The following CFAP97D2 variants were observed in gnomAD, a reference collection of about 807,000 sequenced individuals.
CFAP97D2 encodes uncharacterized protein CFAP97D2.
In CFAP97D2 at chr13:114,211,158, C is replaced by T. The variant is rs1403718446; in HGVS notation, c.291-754C>T. Among the ~76,000 whole-genome samples the T allele has an allele frequency of 2.0e-5, 3 of 152,176 alleles. No homozygotes were observed. Among genetic ancestry groups the T allele is most frequent in the Non-Finnish European group, 4.4e-5 (3 of 68,038 alleles). Reference sequence around the variant, plus strand: ...CCTGGTGGGTTCTTTACTTCGTGCTCCTCTGTGCTCCACAGCCAGGGTCAA... The same window carrying T: ...CCTGGTGGGTTCTTTACTTCGTGCTTCTCTGTGCTCCACAGCCAGGGTCAA... On this transcript the variant is annotated intron_variant, in intron 3 of 4. Coordinates refer to ENST00000646158, the Ensembl canonical transcript of CFAP97D2. The surrounding 1 kb of genome is among the most constrained non-coding windows in gnomAD (Gnocchi z 4.2).
chr13:114,180,652 A>G (rs1021109301), intron 1 of CFAP97D2, among the ~76,000 whole-genome samples: 9 of 152,218 alleles, frequency 5.9e-5, no homozygotes, highest in South Asian at 4.1e-4. Flanking sequence ...CTCTGCACGT[A>G]GAGTGTGGAG....
intron 4 of CFAP97D2, among the ~76,000 whole-genome samples, chr13:114,218,605 C>G (rs541819580): frequency 1.6e-4 from 25 of 152,320 alleles, no homozygotes; most frequent in African/African-American, 5.8e-4. Context: ...CTGGAGGCAT[C>G]ATGTTACCTG....
intron 4 of CFAP97D2, chr13:114,212,300 C>T: frequency 2.6e-6 from 1 of 386,954 alleles, no homozygotes; most frequent in Non-Finnish European, 4.6e-6. Flanking sequence ...ATGACCTCAC[C>T]CACCACGCAT....
chr13:114,207,170 C>T lies in CFAP97D2; in HGVS notation c.291-4742C>T, dbSNP rs1261518718. ...AGCCCCATCTGCTCCCCTGCCGCTGCAAGGGCAGCACCATGCAGGGCACAC... is the reference window on the plus strand; with the variant it reads ...AGCCCCATCTGCTCCCCTGCCGCTGTAAGGGCAGCACCATGCAGGGCACAC... On this transcript the variant is annotated intron_variant, in intron 3 of 4. Coordinates refer to ENST00000646158, the Ensembl canonical transcript of CFAP97D2. This position sits in a 1 kb window ranked among gnomAD's most constrained non-coding sequence, Gnocchi z 4.9. 1.3e-5 allele frequency among the ~76,000 whole-genome samples: 2 copies of T among 152,200 alleles called. No individual in the cohort carries two copies. Among genetic ancestry groups the T allele is most frequent in the Admixed American group, 1.3e-4 (2 of 15,286 alleles).
intron 1 of CFAP97D2, among the ~76,000 whole-genome samples, chr13:114,182,538 G>A (rs112745566): frequency 0.032 from 4,709 of 146,716 alleles, 152 homozygotes; most frequent in South Asian, 0.13. Flanking sequence ...CCACGAGGCC[G>A]TATTTCAGAC....
chr13:114,198,655 T>G (rs72488210), intron 2 of CFAP97D2, among the ~76,000 whole-genome samples: 26,016 of 75,740 alleles, frequency 0.34, 5,607 homozygotes, highest in East Asian at 0.48. Context: ...GTCCCCGTGT[T>G]TACGGTCCCC....
At chr13:114,219,397 T>G (rs1165652260) in intron 4 of CFAP97D2, among the ~76,000 whole-genome samples, 1 of 152,228 alleles carries the variant, frequency 6.6e-6, no homozygotes, top group Non-Finnish European at 1.5e-5. Context: ...TATTGAGTTT[T>G]TCCTCAGCAA....
chr13:114,195,426 C>T (rs2080882638), intron 1 of CFAP97D2, among the ~76,000 whole-genome samples: 1 of 152,176 alleles, frequency 6.6e-6, no homozygotes, highest in African/African-American at 2.4e-5. Flanking sequence ...TGGGTTCAGT[C>T]CCCAGCCTGG....
At chr13:114,222,546 A>G, downstream of CFAP97D2, 1 of 396,342 alleles carries the variant, frequency 2.5e-6, no homozygotes, top group Non-Finnish European at 4.4e-6. The surrounding 1 kb of genome is among the most constrained non-coding windows in gnomAD (Gnocchi z 4.4). Context: ...CTGGACCCTA[A>G]AAGAGAAGTG....
rs1459052974 is a variant in CFAP97D2, at chr13:114,203,685, C to T, written c.290+3242C>T. Among the ~76,000 whole-genome samples the T allele has an allele frequency of 6.6e-6, 1 of 152,194 alleles. No individual in the cohort carries two copies. Among genetic ancestry groups the T allele is most frequent in the Admixed American group, 6.5e-5 (1 of 15,274 alleles). Reference sequence around the variant, plus strand: ...CAGGCTCCCACCTCACAAATGGAATCCCAGGCCACCACACAGGAACTGAAG... The same window carrying T: ...CAGGCTCCCACCTCACAAATGGAATTCCAGGCCACCACACAGGAACTGAAG... On this transcript the variant is annotated intron_variant, in intron 3 of 4. Transcript: ENST00000646158. This position sits in a 1 kb window ranked among gnomAD's most constrained non-coding sequence, Gnocchi z 4.3.
rs920570584 is a variant in CFAP97D2, at chr13:114,211,487, G to A, written c.291-425G>A. On this transcript the variant is annotated intron_variant, in intron 3 of 4. Coordinates refer to ENST00000646158, the Ensembl canonical transcript of CFAP97D2. The surrounding 1 kb of genome is among the most constrained non-coding windows in gnomAD (Gnocchi z 4.2). Reference sequence around the variant, plus strand: ...CAACCTCCCTCACCTCTCTCCCATGGGCGCCTGGGTGCTTGCCCTCCCCGC... The same window carrying A: ...CAACCTCCCTCACCTCTCTCCCATGAGCGCCTGGGTGCTTGCCCTCCCCGC... Among the ~76,000 whole-genome samples, 1 of 152,078 alleles carries A rather than the reference G, an allele frequency of 6.6e-6. No individual in the cohort carries two copies. Among genetic ancestry groups the A allele is most frequent in the African/African-American group, 2.4e-5 (1 of 41,424 alleles).
At chr13:114,193,659 T>C (rs1423605055) in intron 1 of CFAP97D2, among the ~76,000 whole-genome samples, 2 of 152,204 alleles carry the variant, frequency 1.3e-5, no homozygotes, top group African/African-American at 4.8e-5. Context: ...AACACATAAA[T>C]TTTGGAGAAT....
rs1417622434 is a variant in CFAP97D2, at chr13:114,210,853, G to GACACAC, written c.291-1058_291-1057insCACACA. Among the ~76,000 whole-genome samples, 493 of 99,082 alleles carry GACACAC rather than the reference G, an allele frequency of 5.0e-3. 3 individuals carry two copies. The highest frequency in any genetic ancestry group is 0.023 in the African/African-American group (469 of 20,194). 65.0% of individuals were successfully genotyped at this position (99,082 alleles called of 152,430 possible). On this transcript the variant is annotated intron_variant, in intron 3 of 4. Transcript: ENST00000646158. ...TTAAATGAGAGAAGCACATTTCATTGATACACACACACACACACACACACA... is the reference window on the plus strand; with the variant it reads ...TTAAATGAGAGAAGCACATTTCATTGACACACATACACACACACACACACACACACA...
intron 2 of CFAP97D2, among the ~76,000 whole-genome samples, chr13:114,197,857 G>A (rs1471765650): frequency 6.6e-6 from 1 of 152,148 alleles, no homozygotes; most frequent in East Asian, 1.9e-4. Context: ...GCTAATTTTC[G>A]TGTTTTTAGT....
intron 4 of CFAP97D2, among the ~76,000 whole-genome samples, chr13:114,217,383 A>G (rs112171611): frequency 0.096 from 14,631 of 152,260 alleles, 708 homozygotes; most frequent in Middle Eastern, 0.19. Flanking sequence ...TGAGGCAATA[A>G]TAGCCTACCA....
rs555693540 is a variant in CFAP97D2 at position 114,179,940 on chromosome 13, C to T, written c.90+520C>T. On this transcript the variant is annotated intron_variant, in intron 1 of 4. Transcript: ENST00000646158. This position sits in a 1 kb window ranked among gnomAD's most constrained non-coding sequence, Gnocchi z 4.8. ...TGCTGGGATTACAGGCATGAGCCAC[C>T]GTGCCCGGCCCGGCATCCTTTTCTC... is the stretch of plus-strand genomic sequence containing the variant. Among the ~76,000 whole-genome samples, 6 of 152,306 alleles carry T rather than the reference C, an allele frequency of 3.9e-5. No homozygotes were observed. The highest frequency in any genetic ancestry group is 5.9e-5 in the Non-Finnish European group (4 of 68,028).
In CFAP97D2 at chr13:114,184,010, G is replaced by A. The variant is rs547134506; in HGVS notation, c.90+4590G>A. Among the ~76,000 whole-genome samples the A allele has an allele frequency of 4.6e-5, 7 of 152,196 alleles. No homozygotes were observed. The East Asian group carries it at 1.4e-3, about 29-fold the overall frequency. ...ACAGTAAAATTTAAACGTTAGCTGG[G>A]CATGGTAGTATATACACGTAATCCC... On this transcript the variant is annotated intron_variant, in intron 1 of 4. Transcript: ENST00000646158.
intron 4 of CFAP97D2, among the ~76,000 whole-genome samples, chr13:114,213,850 C>A (rs1322847066): frequency 1.4e-5 from 2 of 144,540 alleles, no homozygotes; most frequent in African/African-American, 5.3e-5. Flanking sequence ...GAACCCCACC[C>A]CTGGACAAGC....
Position 114,203,489 on chromosome 13 carries a change from T to C in CFAP97D2, c.290+3046T>C, listed in dbSNP as rs140209833. The stretch of plus-strand genomic sequence containing the variant: ...TATTAAGATGGCAATATACAAACTA[T>C]TGCAGAATTTTGCTCCTTAGTTCAG... On this transcript the variant is annotated intron_variant, in intron 3 of 4. Transcript: ENST00000646158. This position sits in a 1 kb window ranked among gnomAD's most constrained non-coding sequence, Gnocchi z 4.3. Among the ~76,000 whole-genome samples the C allele has an allele frequency of 1.5e-4, 23 of 152,352 alleles. No homozygotes were observed. Among genetic ancestry groups the C allele is most frequent in the African/African-American group, 5.0e-4 (21 of 41,586 alleles).
Sources: gnomAD v4.1 joint callset for allele counts (sites outside exome capture counted in the v4.1 genomes callset) on GRCh38, gnomAD v4.1.1 for gene constraint, Gnocchi (gnomAD v3.1) non-coding constraint, MANE v1.5 for transcripts, NCBI Gene and HGNC (gene_info 2026-07-23, HGNC 2026-07-21) for gene names.